The following PPP6R1 variants were observed in gnomAD, a reference collection of about 807,000 sequenced individuals.
PPP6R1 encodes the protein protein phosphatase 6 regulatory subunit 1, also known as serine/threonine-protein phosphatase 6 regulatory subunit 1.
A neutral mutation model predicts 104.6 loss-of-function variants in PPP6R1; 39 were observed. The ratio of observed to expected loss-of-function variants is 0.37; its 90% CI spans 0.29 to 0.49. The LOEUF is 0.49. PPP6R1 is among the 20% of genes least tolerant of loss of function. The probability of loss-of-function intolerance (pLI) is 0.98; values close to 1 mark genes in which losing one functional copy is unlikely to be tolerated. For missense variants in PPP6R1, 1,181 were observed against 1,155.8 expected (o/e 1.02, Z -0.32); for synonymous variants, 549 against 479.0 (o/e 1.15, Z -1.91).
intron 1 of PPP6R1, among the ~76,000 whole-genome samples, chr19:55,256,071 C>T (rs1231930620): frequency 6.6e-6 from 1 of 152,244 alleles, no homozygotes; most frequent in African/African-American, 2.4e-5. Context: ...CTGGGCCACA[C>T]ATCCCACAAA....
At chr19:55,251,554 C>T (rs1019492402) in intron 1 of PPP6R1, among the ~76,000 whole-genome samples, 7 of 152,154 alleles carry the variant, frequency 4.6e-5, no homozygotes, top group African/African-American at 1.7e-4. Flanking sequence ...TCAAGAGTGA[C>T]GAAGGCACCA....
rs373557467 is a variant in PPP6R1 at position 55,241,422 on chromosome 19, G to A, written c.1009-31C>T. The A allele has an allele frequency of 1.1e-4, 171 of 1,597,526 alleles. No homozygotes were observed. The highest frequency in any genetic ancestry group is 4.7e-4 in the Admixed American group (28 of 59,062). On this transcript the variant is annotated intron_variant, in intron 8 of 23. Coordinates refer to ENST00000412770, the MANE Select transcript of PPP6R1 (RefSeq NM_014931.4). The surrounding 1 kb of genome is among the most constrained non-coding windows in gnomAD (Gnocchi z 5.4). ...GACACAGGGAGGCCTGATTCCCAAG[G>A]GCTGCCCTTCCTGCTTCCCCCGCCT... is the stretch of plus-strand genomic sequence containing the variant.
rs758372551 is a variant in PPP6R1, at chr19:55,245,449, CA to C, written c.414+42del. On this transcript the variant is annotated intron_variant, in intron 3 of 23. Transcript: ENST00000412770. This position sits in a 1 kb window ranked among gnomAD's most constrained non-coding sequence, Gnocchi z 6.4. ...CATGCACAGGGCCTGGCCCAGCCAC[CA>C]CCCCTCAACCCACGGTGGCGCCAGG... 1.7e-5 allele frequency: 28 copies of C among 1,611,620 alleles called. No homozygotes were observed. In the South Asian group the frequency reaches 3.0e-4, roughly 17 times the overall value.
In PPP6R1 at chr19:55,247,107, G is replaced by A. The variant is rs564632726; in HGVS notation, c.-4C>T. The A allele has an allele frequency of 2.9e-5, 46 of 1,611,878 alleles. No individual in the cohort carries two copies. The East Asian group carries it at 5.4e-4, about 19-fold the overall frequency. On this transcript the variant is annotated splice_region_variant and 5_prime_UTR_variant, in exon 2 of 24. Transcript: ENST00000412770. ...GCAGGTCAAACTTCCAAAACATGGCGCCCTGCAGGCATAGACACAACCAGC... is the reference window on the plus strand; with the variant it reads ...GCAGGTCAAACTTCCAAAACATGGCACCCTGCAGGCATAGACACAACCAGC...
intron 5 of PPP6R1, 32 bp from the exon 6 acceptor site, chr19:55,242,520 GTCGGGCCACCGGGCCCTCT>G: frequency 6.3e-7 from 1 of 1,584,578 alleles, no homozygotes; most frequent in South Asian, 1.1e-5. Context: ...GAGGATCCTG[GTCGGGCCACCGGGCCCTCT>G]GCAGCCTGGT....
At chr19:55,250,084 C>T (rs1191276997) in intron 1 of PPP6R1, among the ~76,000 whole-genome samples, 5 of 152,190 alleles carry the variant, frequency 3.3e-5, no homozygotes, top group Admixed American at 2.0e-4. Context: ...AGGCACAGTG[C>T]TGGATGGATA....
At chr19:55,228,780 G>A (rs755398993), downstream of PPP6R1, 6 of 1,606,906 alleles carry the variant, frequency 3.7e-6, no homozygotes, top group East Asian at 2.2e-5. Context: ...ATCTGGGAGC[G>A]AGTGGCTTCA....
At chr19:55,242,574 AC>A in intron 5 of PPP6R1, 86 bp from the exon 6 acceptor site, 1 of 1,170,114 alleles carries the variant, frequency 8.5e-7, no homozygotes, top group Non-Finnish European at 1.3e-6. Flanking sequence ...CCATGAGCTG[AC>A]CATCCAGGGA....
rs10405047 is a variant in PPP6R1 at position 55,240,558 on chromosome 19, T to C, written c.1297-258A>G. On this transcript the variant is annotated intron_variant, in intron 10 of 23. Transcript: ENST00000412770. Reference sequence around the variant, plus strand: ...ACACACACACACACACACACACACATGCATGCACTAACGGACACACACATG... The same window carrying C: ...ACACACACACACACACACACACACACGCATGCACTAACGGACACACACATG... Among the ~76,000 whole-genome samples, 1,078 of 116,422 alleles carry C rather than the reference T, an allele frequency of 9.3e-3. 5 individuals are homozygous for C. The highest frequency in any genetic ancestry group is 0.031 in the East Asian group (102 of 3,278). 76.4% of individuals were successfully genotyped at this position (116,422 alleles called of 152,430 possible). A position where few individuals can be genotyped will look rare whatever the true frequency, so the allele number is the denominator to read the frequency against.
intron 19 of PPP6R1, 32 bp downstream of exon 19, chr19:55,231,770 G>A (rs1423499901): frequency 6.7e-7 from 1 of 1,492,392 alleles, no homozygotes; most frequent in Non-Finnish European, 8.9e-7. Flanking sequence ...CGGGATACCA[G>A]CACCATTTAG....
chr19:55,254,516 A>G (rs2087578114), intron 1 of PPP6R1, among the ~76,000 whole-genome samples: 1 of 152,064 alleles, frequency 6.6e-6, no homozygotes, highest in African/African-American at 2.4e-5. Context: ...TGCTGCACGT[A>G]TCCGCCCAAG....
chr19:55,244,596 T>C (rs11881572), intron 5 of PPP6R1, among the ~76,000 whole-genome samples: 3,382 of 152,326 alleles, frequency 0.022, 137 homozygotes, highest in African/African-American at 0.077. Flanking sequence ...CAAGGCATTA[T>C]GTGCCAAGTT....
chr19:55,244,140 C>A (rs2087484838), intron 5 of PPP6R1, among the ~76,000 whole-genome samples: 2 of 152,198 alleles, frequency 1.3e-5, no homozygotes, highest in African/African-American at 4.8e-5. Flanking sequence ...CAGGGCTTGG[C>A]AGTGTGGCCC....
At chr19:55,240,377 C>T (rs1249431343) in intron 10 of PPP6R1, 77 bp from the exon 11 acceptor site, 3 of 1,415,308 alleles carry the variant, frequency 2.1e-6, no homozygotes, top group African/African-American at 2.8e-5. Flanking sequence ...CAGCAGGGGT[C>T]CCTTCCTCAG....
rs1371681483 is a variant in PPP6R1, at chr19:55,247,070, G to A, written c.34C>T (p.His12Tyr). The change falls in exon 2 of 24, where the codon CAC becomes TAC. Residue 12 changes from histidine (H) to tyrosine (Y), a missense_variant. His to Tyr is a moderately conservative substitution (Grantham distance 83, BLOSUM62 2). Coordinates refer to ENST00000412770, the MANE Select transcript of PPP6R1 (RefSeq NM_014931.4). ...TCCCGCTCCAGCAGCGTGTCCAGGT[G>A]CGAGCTTGTGTGCAGGTCAAACTTC... Reference protein sequence around the residue: ...FWKFDLHTSSHLDTLLEREDL... With the variant: ...FWKFDLHTSSYLDTLLEREDL... 4 of 1,613,486 alleles carry A rather than the reference G, an allele frequency of 2.5e-6. No homozygotes were observed. Among genetic ancestry groups the A allele is most frequent in the Non-Finnish European group, 3.4e-6 (4 of 1,179,832 alleles).
Position 55,258,803 on chromosome 19 carries a change from A to T in PPP6R1, c.-375T>A, listed in dbSNP as rs992838304. 1 of 152,044 alleles carries T rather than the reference A, an allele frequency of 6.6e-6. No homozygotes were observed. The highest frequency in any genetic ancestry group is 1.5e-5 in the Non-Finnish European group (1 of 67,988). The allele number at this position is 152,044 out of a possible 1,614,324, so 9.4% of individuals were successfully genotyped here. ...GCGCCTCAGCCGGGAAGACGGGGGA[A>T]GTTGCCCCGGTTTCCACAGTCCAAC... On this transcript the variant is annotated 5_prime_UTR_variant, in exon 1 of 24. Transcript: ENST00000412770.
rs768509847 is a variant in PPP6R1 at position 55,230,484 on chromosome 19, C to T, written c.*44G>A. On this transcript the variant is annotated 3_prime_UTR_variant, in exon 24 of 24. Coordinates refer to ENST00000412770, the MANE Select transcript of PPP6R1 (RefSeq NM_014931.4). ...CGCCCTGCCCCCACCCCGGGAGATC[C>T]ACGGGAGGACGGAAGATTTGGCCGC... 1.8e-4 allele frequency: 297 copies of T among 1,612,154 alleles called. No individual in the cohort carries two copies. Among genetic ancestry groups the T allele is most frequent in the Middle Eastern group, 5.2e-4 (3 of 5,780 alleles).
intron 5 of PPP6R1, among the ~76,000 whole-genome samples, chr19:55,244,006 C>T (rs778102999): frequency 6.6e-6 from 1 of 152,172 alleles, no homozygotes; most frequent in Admixed American, 6.5e-5. Flanking sequence ...ACCCTAAAAG[C>T]GCTGAATCGT....
Position 55,239,518 on chromosome 19 carries a change from G to T in PPP6R1, c.1654-16C>A. 1 of 1,613,400 alleles carries T rather than the reference G, an allele frequency of 6.2e-7. No homozygotes were observed. Among genetic ancestry groups the T allele is most frequent in the Non-Finnish European group, 8.5e-7 (1 of 1,179,512 alleles). ...CCATGAAGGCCTGTGGGGGTGCGGA[G>T]GTTAGGGCTGGAGGGAGTTGGGCAG... On this transcript the variant is annotated splice_polypyrimidine_tract_variant and intron_variant, in intron 14 of 23. Coordinates refer to ENST00000412770, the MANE Select transcript of PPP6R1 (RefSeq NM_014931.4).
Sources: allele counts gnomAD v4.1 joint callset (sites outside exome capture counted in the v4.1 genomes callset), GRCh38; gene constraint gnomAD v4.1.1; non-coding constraint Gnocchi (gnomAD v3.1); transcripts MANE v1.5; gene names NCBI Gene and HGNC (gene_info 2026-07-23, HGNC 2026-07-21).